Variants in OVCH1 observed in about 807,000 individuals in gnomAD.
OVCH1 encodes the protein ovochymase 1.
A neutral mutation model predicts 138.4 loss-of-function variants in OVCH1; 139 were observed. That is an observed-to-expected ratio of 1.00 (90% confidence interval 0.87 to 1.16). The LOEUF (loss-of-function observed/expected upper bound fraction) is 1.16, where lower values mean the gene tolerates loss of function less well. OVCH1 is among the 50% of genes most tolerant of loss of function. OVCH1 has a pLI of 0.00. For synonymous variants in OVCH1, 453 were observed against 467.8 expected (o/e 0.97, Z 0.41); for missense variants, 1,367 against 1,357.9 (o/e 1.01, Z -0.11).
chr12:29,414,530 G>T (rs1055139838), intron 3 of OVCH1, among the ~76,000 whole-genome samples: 2 of 152,150 alleles, frequency 1.3e-5, no homozygotes, highest in Non-Finnish European at 2.9e-5. Flanking sequence ...AAGTAGAATT[G>T]CTGGGCCATG....
rs769561061 is a variant in OVCH1, at chr12:29,496,180, C to T, written c.281+1G>A. The T allele has an allele frequency of 2.5e-6, 4 of 1,600,250 alleles. No homozygotes were observed. The highest frequency in any genetic ancestry group is 2.7e-5 in the African/African-American group (2 of 74,752). The stretch of plus-strand genomic sequence containing the variant: ...ACAAGTAATGGAAATCCACAACTTA[C>T]TCACTGAGGCTGTCCAGGCAGTGTG... On this transcript the variant is annotated splice_donor_variant, in intron 3 of 27. Transcript: ENST00000318184. LOFTEE classifies it high-confidence loss of function.
At chr12:29,437,368 A>C (rs773820177) in intron 26 of OVCH1, among the ~76,000 whole-genome samples, 4 of 152,072 alleles carry the variant, frequency 2.6e-5, no homozygotes, top group Non-Finnish European at 5.9e-5. Context: ...GTACTTAATA[A>C]TTTTTTCATA....
At chr12:29,481,467 C>G (rs1347219764) in intron 8 of OVCH1, among the ~76,000 whole-genome samples, 2 of 152,134 alleles carry the variant, frequency 1.3e-5, no homozygotes, top group Non-Finnish European at 2.9e-5. Context: ...TATATCTTAA[C>G]TATTTTATCT....
Position 29,491,199 on chromosome 12 carries a change from AAACAACAAAGGCATGAGGTTC to A in OVCH1, c.455-28_455-8del, listed in dbSNP as rs1330418008. On this transcript the variant is annotated splice_region_variant and splice_polypyrimidine_tract_variant and intron_variant, in intron 4 of 27. Coordinates refer to ENST00000318184, the Ensembl canonical transcript of OVCH1. The stretch of plus-strand genomic sequence containing the variant: ...ATTGGCTGAACAGCATTTCCTGAGA[AAACAACAAAGGCATGAGGTTC>A]ATGGATAAATACGCCATGTTGAATA... 1.9e-6 allele frequency: 3 copies of A among 1,610,126 alleles called. No individual in the cohort carries two copies. The Admixed American group carries it at 5.0e-5, about 27-fold the overall frequency.
intron 3 of OVCH1, among the ~76,000 whole-genome samples, chr12:29,420,338 G>A (rs1040684331): frequency 2.6e-5 from 4 of 152,174 alleles, no homozygotes; most frequent in Non-Finnish European, 2.9e-5. Flanking sequence ...GAGACCCACC[G>A]TTTAGCAACT....
At chr12:29,408,905 C>G (rs147719672), downstream of OVCH1, among the ~76,000 whole-genome samples, 2 of 152,162 alleles carry the variant, frequency 1.3e-5, no homozygotes, top group South Asian at 4.1e-4. Context: ...CCTTGTACCT[C>G]CAGTAGAATT....
downstream of OVCH1, among the ~76,000 whole-genome samples, chr12:29,409,166 AT>A (rs1478081313): frequency 1.5e-4 from 22 of 150,902 alleles, no homozygotes; most frequent in Non-Finnish European, 3.0e-4. Context: ...CCCCTTTATC[AT>A]TTTTTATTGC....
At chr12:29,426,043 G>A (rs1438077133), downstream of OVCH1, 2 of 152,202 alleles carry the variant, frequency 1.3e-5, no homozygotes, top group Non-Finnish European at 2.9e-5. Flanking sequence ...TAAAGAACTT[G>A]TGAGACTCAG....
intron 9 of OVCH1, among the ~76,000 whole-genome samples, chr12:29,478,278 A>G (rs1942811171): frequency 6.6e-6 from 1 of 152,232 alleles, no homozygotes; most frequent in African/African-American, 2.4e-5. Flanking sequence ...TTCAAAGTGT[A>G]TGTGTAAATA....
At chr12:29,468,428 T>C (rs1485546025) in intron 16 of OVCH1, among the ~76,000 whole-genome samples, 1 of 152,204 alleles carries the variant, frequency 6.6e-6, no homozygotes, top group Non-Finnish European at 1.5e-5. Context: ...AAGTGGAATA[T>C]CTATCTTGGG....
chr12:29,422,680 G>A (rs933893606), downstream of OVCH1, among the ~76,000 whole-genome samples: 12 of 152,162 alleles, frequency 7.9e-5, no homozygotes, highest in African/African-American at 2.7e-4. Flanking sequence ...AAGTAGATTG[G>A]ATAAGTAGAA....
chr12:29,467,498 TAA>T (rs920719873), intron 16 of OVCH1, among the ~76,000 whole-genome samples: 1 of 152,146 alleles, frequency 6.6e-6, no homozygotes, highest in African/African-American at 2.4e-5. Context: ...CTCTCCCATA[TAA>T]AATTTCATTT....
chr12:29,477,179 CAG>C lies in OVCH1; in HGVS notation c.1298_1299del (p.Ser433CysfsTer5), dbSNP rs781459273. The C allele has an allele frequency of 2.5e-6, 4 of 1,613,698 alleles. No homozygotes were observed. Among genetic ancestry groups the C allele is most frequent in the Admixed American group, 1.7e-5 (1 of 59,918 alleles). ...CTGGGATACAAATCAGGATACTTGG[CAG>C]AGTGATTTGTCCCTTCTTCTACCAA... On this transcript the variant is annotated frameshift_variant, in exon 12 of 28. Coordinates refer to ENST00000318184, the Ensembl canonical transcript of OVCH1. LOFTEE classifies it high-confidence loss of function.
At chr12:29,415,373 AG>A (rs1941019410) in intron 3 of OVCH1, among the ~76,000 whole-genome samples, 1 of 152,202 alleles carries the variant, frequency 6.6e-6, no homozygotes, top group Non-Finnish European at 1.5e-5. Context: ...CAAGATTTTA[AG>A]GGCACTAAAT....
intron 4 of OVCH1, among the ~76,000 whole-genome samples, chr12:29,491,426 G>A (rs780070421): frequency 1.3e-5 from 2 of 152,252 alleles, no homozygotes; most frequent in South Asian, 2.1e-4. Flanking sequence ...CGCACACCAC[G>A]AGCCCCCTAA....
At chr12:29,489,489 C>T (rs1194116533) in intron 6 of OVCH1, 131 bp downstream of exon 6, 2 of 1,071,018 alleles carry the variant, frequency 1.9e-6, no homozygotes, top group African/African-American at 3.2e-5. Flanking sequence ...CAGTAGAAAT[C>T]AGAGGAAAAG....
chr12:29,431,912 CGTTT>C (rs1941276848), intron 27 of OVCH1, among the ~76,000 whole-genome samples: 2 of 152,128 alleles, frequency 1.3e-5, no homozygotes, highest in South Asian at 4.1e-4. Flanking sequence ...AAAATAGACA[CGTTT>C]GTTAACCCAT....
intron 3 of OVCH1, among the ~76,000 whole-genome samples, chr12:29,417,841 C>A (rs1035608): frequency 0.17 from 26,243 of 151,450 alleles, 2,540 homozygotes; most frequent in African/African-American, 0.27. Context: ...CACTGTACAG[C>A]CAAGATTAAG....
chr12:29,465,586 A>C (rs1368023485), intron 16 of OVCH1, among the ~76,000 whole-genome samples: 1 of 152,118 alleles, frequency 6.6e-6, no homozygotes, highest in Non-Finnish European at 1.5e-5. Flanking sequence ...TGCACTGCTC[A>C]GTTCAGCGAG....
Sources: gnomAD v4.1 joint callset for allele counts (sites outside exome capture counted in the v4.1 genomes callset) on GRCh38, gnomAD v4.1.1 for gene constraint, MANE v1.5 for transcripts, NCBI Gene and HGNC (gene_info 2026-07-23, HGNC 2026-07-21) for gene names.